CDH13: variants seen among roughly 807,000 people sequenced by gnomAD.
CDH13 encodes the protein cadherin-13.
CDH13 carries 24 observed loss-of-function variants against 63.8 expected under a neutral mutation model. That is an observed-to-expected ratio of 0.38 (90% confidence interval 0.27 to 0.53). CDH13 has a LOEUF of 0.53. Ranked by LOEUF, CDH13 falls within the 20% of genes least tolerant of loss-of-function variation. CDH13 has a pLI of 0.85. For synonymous variants in CDH13, 503 were observed against 355.3 expected (o/e 1.42, Z -4.67); for missense variants, 1,049 against 903.1 (o/e 1.16, Z -2.07).
chr16:83,496,723 C>T lies in CDH13; in HGVS notation c.960+10068C>T, dbSNP rs192457874. On this transcript the variant is annotated intron_variant, in intron 7 of 13. Transcript: ENST00000567109. ...AGAAACTACCATCAGAGTGAACAGG[C>T]GACCTACAAAATGGGGAAAATTTTC... is the stretch of plus-strand genomic sequence containing the variant. 3.9e-3 allele frequency among the ~76,000 whole-genome samples: 591 copies of T among 152,178 alleles called. 3 individuals are homozygous for T. The highest frequency in any genetic ancestry group is 6.9e-3 in the Non-Finnish European group (470 of 68,022).
chr16:83,662,839 T>C (rs1324969128), intron 8 of CDH13, among the ~76,000 whole-genome samples: 1 of 152,170 alleles, frequency 6.6e-6, no homozygotes, highest in Non-Finnish European at 1.5e-5. Flanking sequence ...AATGAGGTTG[T>C]TGATGGGAAC....
At chr16:83,546,602 G>A (rs925567693) in intron 7 of CDH13, among the ~76,000 whole-genome samples, 5 of 152,052 alleles carry the variant, frequency 3.3e-5, no homozygotes, top group Admixed American at 1.3e-4. Flanking sequence ...TATAACCAAC[G>A]TCTTATGCCA....
At chr16:83,009,837 G>T (rs1255004663) in intron 2 of CDH13, among the ~76,000 whole-genome samples, 1 of 152,122 alleles carries the variant, frequency 6.6e-6, no homozygotes, top group African/African-American at 2.4e-5. Context: ...CAAAGATTCT[G>T]ATTAGAATGG....
At chr16:82,641,560 G>C (rs1366483367) in intron 1 of CDH13, among the ~76,000 whole-genome samples, 1 of 152,036 alleles carries the variant, frequency 6.6e-6, no homozygotes. Flanking sequence ...GCTACCTTAG[G>C]GCCTCGTCTT....
chr16:83,295,468 C>T (rs987777968), intron 5 of CDH13, among the ~76,000 whole-genome samples: 3 of 151,946 alleles, frequency 2.0e-5, no homozygotes, highest in Admixed American at 2.0e-4. Flanking sequence ...GCAAACTGTA[C>T]ATCTGATAAA....
intron 1 of CDH13, among the ~76,000 whole-genome samples, chr16:82,792,154 T>C (rs975183088): frequency 1.1e-4 from 16 of 152,250 alleles, no homozygotes; most frequent in East Asian, 9.7e-4. Context: ...CATCCCCGGT[T>C]CCTTGACTTC....
At chr16:83,489,818 CTT>C (rs2073969404) in intron 7 of CDH13, among the ~76,000 whole-genome samples, 1 of 152,190 alleles carries the variant, frequency 6.6e-6, no homozygotes, top group Non-Finnish European at 1.5e-5. Context: ...TTAATACAGA[CTT>C]TTGCAGCATT....
At chr16:83,307,493 G>T (rs1199090753) in intron 5 of CDH13, among the ~76,000 whole-genome samples, 1 of 152,110 alleles carries the variant, frequency 6.6e-6, no homozygotes, top group Non-Finnish European at 1.5e-5. Flanking sequence ...TTCTGAAGTA[G>T]CTCTCACCTC....
chr16:82,744,121 G>A (rs772397143), intron 1 of CDH13, among the ~76,000 whole-genome samples: 55 of 152,264 alleles, frequency 3.6e-4, no homozygotes, highest in Non-Finnish European at 7.1e-4. Flanking sequence ...CCCTTTACTT[G>A]ATCAGGCCCA....
At chr16:82,761,478 T>G (rs1022691930) in intron 1 of CDH13, among the ~76,000 whole-genome samples, 1 of 152,200 alleles carries the variant, frequency 6.6e-6, no homozygotes, top group African/African-American at 2.4e-5. Flanking sequence ...CTGTCTAAAC[T>G]TAGCTTTCAT....
At position 83,246,894 on chromosome 16, in the gene CDH13, T is replaced by C. The variant is rs182362877; in HGVS notation, c.636+29397T>C. ...ACAAGTGACATCTTCTGTTCCTGCA[T>C]GCTAAAATGCCCGTGACTTCTCTAA... is the stretch of plus-strand genomic sequence containing the variant. On this transcript the variant is annotated intron_variant, in intron 5 of 13. Transcript: ENST00000567109. 3.1e-3 allele frequency among the ~76,000 whole-genome samples: 473 copies of C among 152,338 alleles called. 3 individuals carry two copies. Among genetic ancestry groups the C allele is most frequent in the Non-Finnish European group, 5.2e-3 (354 of 68,028 alleles).
intron 5 of CDH13, among the ~76,000 whole-genome samples, chr16:83,328,675 A>T (rs1326301997): frequency 6.6e-6 from 1 of 152,148 alleles, no homozygotes; most frequent in East Asian, 1.9e-4. Context: ...TAGTTTGAAG[A>T]TATAGCTGAT....
intron 6 of CDH13, among the ~76,000 whole-genome samples, chr16:83,426,917 T>C (rs1278959822): frequency 9.4e-5 from 8 of 85,208 alleles, no homozygotes; most frequent in African/African-American, 2.4e-4. Context: ...CTTTTTTTTT[T>C]TTTTTTTTTT....
chr16:82,935,277 T>A (rs541100926), intron 2 of CDH13, among the ~76,000 whole-genome samples: 36 of 152,246 alleles, frequency 2.4e-4, no homozygotes, highest in African/African-American at 8.2e-4. Flanking sequence ...GAGAACTCAC[T>A]CACTATCATG....
intron 3 of CDH13, among the ~76,000 whole-genome samples, chr16:83,056,023 C>G (rs1233143835): frequency 2.6e-5 from 4 of 151,962 alleles, no homozygotes; most frequent in African/African-American, 9.7e-5. Context: ...GGGCAGAGAA[C>G]CCAACTAACA....
chr16:83,359,218 T>G (rs920056631), intron 6 of CDH13, among the ~76,000 whole-genome samples: 6 of 152,180 alleles, frequency 3.9e-5, no homozygotes, highest in Admixed American at 1.3e-4. Context: ...AGATCTGGTT[T>G]TCAGCTATGT....
At chr16:83,021,011 C>T (rs771185770) in intron 2 of CDH13, among the ~76,000 whole-genome samples, 6 of 152,174 alleles carry the variant, frequency 3.9e-5, no homozygotes, top group Non-Finnish European at 8.8e-5. Flanking sequence ...CACATAATTG[C>T]TATAAAGTTT....
At chr16:83,650,576 C>A (rs547006349) in intron 8 of CDH13, among the ~76,000 whole-genome samples, 7 of 152,302 alleles carry the variant, frequency 4.6e-5, no homozygotes, top group African/African-American at 1.7e-4. Context: ...GGACACCCAA[C>A]AATGTCTGAA....
intron 2 of CDH13, among the ~76,000 whole-genome samples, chr16:82,873,652 C>A (rs2040415220): frequency 6.6e-6 from 1 of 152,088 alleles, no homozygotes; most frequent in South Asian, 2.1e-4. Flanking sequence ...ATAGCACATA[C>A]AAAGGAGTGA....
Sources: gnomAD v4.1 joint callset for allele counts (sites outside exome capture counted in the v4.1 genomes callset) on GRCh38, gnomAD v4.1.1 for gene constraint, MANE v1.5 for transcripts, NCBI Gene and HGNC (gene_info 2026-07-23, HGNC 2026-07-21) for gene names.